Variants in H2BW2 observed in about 807,000 individuals in gnomAD.
H2BW2 encodes histone H2B type F-M.
In H2BW2, 8 loss-of-function variants were observed where a neutral mutation model predicts 9.2. That is an observed-to-expected ratio of 0.87 (90% CI 0.51 to 1.57). The LOEUF is 1.57. H2BW2 is among the 40% of genes most tolerant of loss of function. The pLI, the probability that H2BW2 is intolerant of heterozygous loss-of-function variation, is 0.00. For missense variants in H2BW2, 193 were observed against 137.3 expected (o/e 1.41, Z -2.03); for synonymous variants, 80 against 56.8 (o/e 1.41, Z -1.84).
chrX:104,040,934 T>C, intron 2 of H2BW2, 48 bp downstream of exon 2: 1 of 1,168,922 alleles, frequency 8.6e-7, no homozygotes, highest in Non-Finnish European at 1.2e-6. Flanking sequence ...TGAATCCATG[T>C]AAATAAGCAA....
chrX:104,040,185 A>C lies in H2BW2; in HGVS notation c.191A>C (p.Gln64Pro), dbSNP rs782351944. ...FTPYFPRVLK[Q>P]VHQGLSLSQE... ...CCCTATTTCCCCCGGGTGCTGAAGC[A>C]GGTTCACCAGGGCCTCAGCCTTTCC... The change falls in exon 1 of 4, where the codon CAG becomes CCG. Residue 64 changes from glutamine (Q) to proline (P), a missense_variant. Transcript: ENST00000675318. 1.0e-5 allele frequency: 12 copies of C among 1,190,688 alleles called. No homozygotes were observed. Among genetic ancestry groups the C allele is most frequent in the Admixed American group, 2.3e-5 (1 of 43,652 alleles).
In H2BW2 at chrX:104,040,097, T is replaced by A; in HGVS notation, c.103T>A (p.Cys35Ser). Residue 35 changes from cysteine (C) to serine (S), a missense_variant, in exon 1 of 4, where the codon TGC (cysteine) becomes AGC (serine). Cys to Ser is a moderately radical substitution (Grantham distance 112, BLOSUM62 -1). Coordinates refer to ENST00000675318, the MANE Select transcript of H2BW2 (RefSeq NM_001388464.1). ...GGCCCAGAAGCAGAAGAGGCGAGGG[T>A]GCCGAGGCTCCCGCAGGCGCCACGC... is the stretch of plus-strand genomic sequence containing the variant. ...TKAQKQKRRG[C>S]RGSRRRHANR... 2 of 1,165,715 alleles carry A rather than the reference T, an allele frequency of 1.7e-6. No homozygotes were observed. The highest frequency in any genetic ancestry group is 2.3e-6 in the Non-Finnish European group (2 of 872,429).
At chrX:104,040,643 T>C (rs1488043830) in intron 1 of H2BW2, among the ~76,000 whole-genome samples, 185 bp from the exon 2 acceptor site, 1 of 112,602 alleles carries the variant, frequency 8.9e-6, no homozygotes, top group Non-Finnish European at 1.9e-5. Flanking sequence ...AATATATCTG[T>C]AGTGCAATAT....
At chrX:104,040,437 C>T (rs1556344067) in intron 1 of H2BW2, 33 bp downstream of exon 1, 9 of 1,085,842 alleles carry the variant, frequency 8.3e-6, no homozygotes, top group South Asian at 4.6e-5. Flanking sequence ...GTCTCAGGAG[C>T]GCCTGAGCAC....
In H2BW2 at chrX:104,041,116, A is replaced by T. The variant is rs2075202444; in HGVS notation, c.*41+10A>T. 2 of 414,924 alleles carry T rather than the reference A, an allele frequency of 4.8e-6. No homozygotes were observed. The highest frequency in any genetic ancestry group is 8.4e-6 in the Non-Finnish European group (2 of 236,872). The allele number at this position is 414,924 out of a possible 1,213,427, so 34.2% of individuals were successfully genotyped here. The stretch of plus-strand genomic sequence containing the variant: ...CCTTCCTTACTTCCAGGTGTGTGTC[A>T]GTAGGATTACGGAGTGTCCACGGAA... On this transcript the variant is annotated intron_variant, in intron 3 of 3. Coordinates refer to ENST00000675318, the MANE Select transcript of H2BW2 (RefSeq NM_001388464.1).
At position 104,040,021 on chromosome X, in the gene H2BW2, C is replaced by G; in HGVS notation, c.27C>G (p.Thr9=). ...TGGCTGAGGCTTCCTCTGAGACAAC[C>G]TCGGAGGAAGGCCAGAGCATCCAGG... MAEASSET[T]SEEGQSIQEP... is the part of the protein sequence containing the mutation. Residue 9 remains threonine, a synonymous_variant, in exon 1 of 4, where the codon ACC becomes ACG. Coordinates refer to ENST00000675318, the MANE Select transcript of H2BW2 (RefSeq NM_001388464.1). The G allele has an allele frequency of 8.6e-7, 1 of 1,165,434 alleles. No homozygotes were observed. The highest frequency in any genetic ancestry group is 1.8e-5 in the African/African-American group (1 of 56,216).
chrX:104,042,151 G>A lies in H2BW2; in HGVS notation c.*81G>A, dbSNP rs1210083437. On this transcript the variant is annotated 3_prime_UTR_variant, in exon 4 of 4. Coordinates refer to ENST00000675318, the MANE Select transcript of H2BW2 (RefSeq NM_001388464.1). ...ATTACAGAAATAGCTGAAGAGAAATGTTATGAAAATAGTTGAAGTTGTGCT... is the reference window on the plus strand; with the variant it reads ...ATTACAGAAATAGCTGAAGAGAAATATTATGAAAATAGTTGAAGTTGTGCT... 6 of 112,675 alleles carry A rather than the reference G, an allele frequency of 5.3e-5. No individual in the cohort carries two copies. The highest frequency in any genetic ancestry group is 1.1e-4 in the Non-Finnish European group (6 of 53,365). The allele number at this position is 112,675 out of a possible 1,213,427, so 9.3% of individuals were successfully genotyped here.
chrX:104,041,708 T>G (rs782327560), intron 3 of H2BW2: 23 of 112,243 alleles, frequency 2.0e-4, no homozygotes, highest in Non-Finnish European at 3.6e-4. Flanking sequence ...AAGCTCAACA[T>G]GTGGCCATTT....
At position 104,042,184 on chromosome X, in the gene H2BW2, C is replaced by G. The variant is rs1329765070; in HGVS notation, c.*114C>G. 1 of 112,415 alleles carries G rather than the reference C, an allele frequency of 8.9e-6. No homozygotes were observed. Among genetic ancestry groups the G allele is most frequent in the Non-Finnish European group, 1.9e-5 (1 of 53,310 alleles). 9.3% of individuals were successfully genotyped at this position (112,415 alleles called of 1,213,427 possible). On this transcript the variant is annotated 3_prime_UTR_variant, in exon 4 of 4. Transcript: ENST00000675318. The stretch of plus-strand genomic sequence containing the variant: ...AATAGTTGAAGTTGTGCTTATTGCA[C>G]GAGGAGACCAAGAAAAACCCCACAA...
Position 104,040,129 on chromosome X carries a change from C to A in H2BW2, c.135C>A (p.Arg45=). 8.5e-7 allele frequency: 1 copy of A among 1,177,286 alleles called. No homozygotes were observed. Among genetic ancestry groups the A allele is most frequent in the Non-Finnish European group, 1.1e-6 (1 of 878,563 alleles). The change falls in exon 1 of 4, where the codon CGC becomes CGA. Residue 45 remains arginine, a synonymous_variant. Transcript: ENST00000675318. ...GCTCCCGCAGGCGCCACGCCAACCGCCGTGGGGACAGCTTCGGGGACAGCT... is the reference window on the plus strand; with the variant it reads ...GCTCCCGCAGGCGCCACGCCAACCGACGTGGGGACAGCTTCGGGGACAGCT... ...CRGSRRRHAN[R]RGDSFGDSFT...
At position 104,039,959 on chromosome X, in the gene H2BW2, C is replaced by T. The variant is rs2075195055; in HGVS notation, c.-36C>T. ...ACTTCCCTGGTCCCCAACCGTCACT[C>T]TCTGTTCTTGCTATCTAATGGCCGC... On this transcript the variant is annotated 5_prime_UTR_variant, in exon 1 of 4. Transcript: ENST00000675318. The T allele has an allele frequency of 7.9e-6, 9 of 1,135,349 alleles. No homozygotes were observed. The highest frequency in any genetic ancestry group is 8.2e-6 in the Non-Finnish European group (7 of 857,030). 93.6% of individuals were successfully genotyped at this position (1,135,349 alleles called of 1,213,427 possible).
chrX:104,039,973 T>C lies in H2BW2; in HGVS notation c.-22T>C, dbSNP rs1281854719. The C allele has an allele frequency of 8.7e-7, 1 of 1,146,399 alleles. No individual in the cohort carries two copies. The highest frequency in any genetic ancestry group is 1.2e-6 in the Non-Finnish European group (1 of 863,555). The allele number at this position is 1,146,399 out of a possible 1,213,427, so 94.5% of individuals were successfully genotyped here. On this transcript the variant is annotated 5_prime_UTR_variant, in exon 1 of 4. Coordinates refer to ENST00000675318, the MANE Select transcript of H2BW2 (RefSeq NM_001388464.1). ...CAACCGTCACTCTCTGTTCTTGCTATCTAATGGCCGCTGCTTCCGCCATGG... is the reference window on the plus strand; with the variant it reads ...CAACCGTCACTCTCTGTTCTTGCTACCTAATGGCCGCTGCTTCCGCCATGG...
In H2BW2 at chrX:104,040,283, C is replaced by T. The variant is rs1348103741; in HGVS notation, c.289C>T (p.Leu97=). 1.3e-5 allele frequency: 15 copies of T among 1,195,334 alleles called. No individual in the cohort carries two copies. The highest frequency in any genetic ancestry group is 1.7e-5 in the Non-Finnish European group (15 of 887,761). The change falls in exon 1 of 4, where the codon CTG becomes TTG. Residue 97 remains leucine, a synonymous_variant. Coordinates refer to ENST00000675318, the MANE Select transcript of H2BW2 (RefSeq NM_001388464.1). ...LDRIATEAGQ[L]AHYTKRVTIT... is the part of the protein sequence containing the mutation. ...CCGCATCGCCACCGAGGCTGGTCAG[C>T]TGGCCCATTACACCAAGCGCGTGAC...
Position 104,040,874 on chromosome X carries a change from T to C in H2BW2, c.*10T>C, listed in dbSNP as rs2075201630. The C allele has an allele frequency of 8.6e-7, 1 of 1,159,719 alleles. No individual in the cohort carries two copies. The highest frequency in any genetic ancestry group is 1.2e-6 in the Non-Finnish European group (1 of 848,877). ...GCAACAGAGAAAGTGAATATGCTGA[T>C]ACAAGAAGCAAGGTAACCCTCCTAA... On this transcript the variant is annotated 3_prime_UTR_variant, in exon 2 of 4. Transcript: ENST00000675318.
rs1371069396 is a variant in H2BW2 at position 104,040,993 on chromosome X, T to C, written c.*23-95T>C. On this transcript the variant is annotated intron_variant, in intron 2 of 3. Coordinates refer to ENST00000675318, the MANE Select transcript of H2BW2 (RefSeq NM_001388464.1). ...TATGGCTAAATAAAATTTTCAAGAA[T>C]CCATTCGTTTTCCAGCTTCCCCGAC... is the stretch of plus-strand genomic sequence containing the variant. 2.1e-4 allele frequency: 170 copies of C among 794,552 alleles called. 1 individual carries two copies. The highest frequency in any genetic ancestry group is 2.7e-4 in the Non-Finnish European group (154 of 563,879). The allele number at this position is 794,552 out of a possible 1,213,427, so 65.5% of individuals were successfully genotyped here.
chrX:104,040,323 A>T lies in H2BW2; in HGVS notation c.329A>T (p.Asp110Val). The change falls in exon 1 of 4, where the codon GAC becomes GTC. Residue 110 changes from aspartate to valine, a missense_variant. Asp to Val is a radical substitution (Grantham distance 152). Coordinates refer to ENST00000675318, the MANE Select transcript of H2BW2 (RefSeq NM_001388464.1). ...AAGCGCGTGACCATCACCTCCCGGG[A>T]CATCCAGATGGCCGTGCGACTGCTG... Reference protein sequence around the residue: ...YTKRVTITSRDIQMAVRLLLP... With the variant: ...YTKRVTITSRVIQMAVRLLLP... 8.4e-7 allele frequency: 1 copy of T among 1,195,381 alleles called. No homozygotes were observed. The highest frequency in any genetic ancestry group is 1.1e-6 in the Non-Finnish European group (1 of 887,625).
chrX:104,041,064 AT>A (rs1254511425), intron 2 of H2BW2, 23 bp from the exon 3 acceptor site: 30 of 477,429 alleles, frequency 6.3e-5, no homozygotes, highest in Non-Finnish European at 9.0e-5. Context: ...ACTGACAGTA[AT>A]TTTTTCATTT....
chrX:104,040,369 G>A lies in H2BW2; in HGVS notation c.375G>A (p.Lys125=), dbSNP rs1556344001. The A allele has an allele frequency of 1.7e-6, 2 of 1,166,132 alleles. No individual in the cohort carries two copies. The highest frequency in any genetic ancestry group is 3.2e-5 in the East Asian group (1 of 31,726). Residue 125 remains lysine (K), a synonymous_variant, in exon 1 of 4, where the codon AAG becomes AAA. Transcript: ENST00000675318. ...TGCTGCTGCCGGGGAAGATGGGCAA[G>A]CTCGCCGAGGCCCAGGGCACGAATG... ...VRLLLPGKMG[K]LAEAQGTNAA...
rs782027240 is a variant in H2BW2 at position 104,040,337 on chromosome X, G to A, written c.343G>A (p.Val115Met). ...CACCTCCCGGGACATCCAGATGGCC[G>A]TGCGACTGCTGCTGCCGGGGAAGAT... is the stretch of plus-strand genomic sequence containing the variant. ...TITSRDIQMA[V>M]RLLLPGKMGK... is the part of the protein sequence containing the mutation. The change falls in exon 1 of 4, where the codon GTG (valine) becomes ATG (methionine). Residue 115 changes from valine (V) to methionine (M), a missense_variant. Val to Met is a conservative substitution (Grantham distance 21). Coordinates refer to ENST00000675318, the MANE Select transcript of H2BW2 (RefSeq NM_001388464.1). 3.2e-5 allele frequency: 38 copies of A among 1,189,124 alleles called. No individual in the cohort carries two copies. The highest frequency in any genetic ancestry group is 1.8e-4 in the Admixed American group (8 of 43,280).
Sources: gnomAD v4.1 joint callset for allele counts (sites outside exome capture counted in the v4.1 genomes callset) on GRCh38, gnomAD v4.1.1 for gene constraint, MANE v1.5 for transcripts, NCBI Gene and HGNC (gene_info 2026-07-23, HGNC 2026-07-21) for gene names.